The following COLEC10 variants were observed in gnomAD, a reference collection of about 807,000 sequenced individuals.
The protein encoded by COLEC10 is collectin subfamily member 10, also known as collectin-10.
In COLEC10, 22 loss-of-function variants were observed where a neutral mutation model predicts 28.4. That is an observed-to-expected ratio of 0.78 (90% confidence interval 0.55 to 1.11). The LOEUF (loss-of-function observed/expected upper bound fraction) is 1.11, where lower values mean the gene tolerates loss of function less well. COLEC10 is among the 50% of genes least tolerant of loss of function. The probability of loss-of-function intolerance (pLI) is 0.00; values close to 1 mark genes in which losing one functional copy is unlikely to be tolerated. For synonymous variants in COLEC10, 125 were observed against 116.1 expected, an observed-to-expected ratio of 1.08 and a Z score of -0.49; for missense variants, 361 against 344.1, an observed-to-expected ratio of 1.05 and a Z score of -0.39.
the COLEC10 span, among the ~76,000 whole-genome samples, chr8:118,966,679 T>C: frequency 8.9e-6 from 1 of 112,728 alleles, no homozygotes; most frequent in Non-Finnish European, 1.8e-5. Flanking sequence ...ATGTTCCATG[T>C]TTTTTTTTTT....
chr8:119,046,449 A>C (rs2130166463), intron 2 of COLEC10, among the ~76,000 whole-genome samples: 1 of 152,292 alleles, frequency 6.6e-6, no homozygotes, highest in Non-Finnish European at 1.5e-5. Flanking sequence ...TCTTGCAGTA[A>C]GACTATGATT....
At chr8:118,998,683 CAA>C (rs71569784) in intron 1 of COLEC10, among the ~76,000 whole-genome samples, 1 of 139,438 alleles carries the variant, frequency 7.2e-6, no homozygotes, top group Non-Finnish European at 1.5e-5. Flanking sequence ...CTGAAAAATA[CAA>C]AAAAAAAAAA....
intron 2 of COLEC10, among the ~76,000 whole-genome samples, chr8:119,010,382 A>C (rs1399667561): frequency 6.6e-6 from 1 of 151,036 alleles, no homozygotes; most frequent in Non-Finnish European, 1.5e-5. Flanking sequence ...TTGTTTGGAC[A>C]TACTACAATT....
At chr8:119,077,109 G>T (rs1185187522) in intron 1 of COLEC10, among the ~76,000 whole-genome samples, 4 of 152,158 alleles carry the variant, frequency 2.6e-5, no homozygotes, top group Admixed American at 2.6e-4. Flanking sequence ...CAAATACTCT[G>T]AAATAAAGCT....
At chr8:119,087,290 T>C (rs967155525) in intron 1 of COLEC10, among the ~76,000 whole-genome samples, 2 of 152,234 alleles carry the variant, frequency 1.3e-5, no homozygotes, top group Non-Finnish European at 2.9e-5. Context: ...ATGTAAGAGA[T>C]AAGTGGAAAT....
intron 1 of COLEC10, among the ~76,000 whole-genome samples, chr8:119,085,599 CTTT>C (rs66829005): frequency 6.1e-3 from 389 of 63,572 alleles, no homozygotes; most frequent in African/African-American, 0.018. Context: ...TCTTCTTCTT[CTTT>C]TTTTTTTTTT....
the COLEC10 span, among the ~76,000 whole-genome samples, chr8:118,965,064 C>T: frequency 6.6e-6 from 1 of 152,124 alleles, no homozygotes; most frequent in Non-Finnish European, 1.5e-5. Context: ...ATGGATTAAC[C>T]AGATATCTTT....
intron 2 of COLEC10, among the ~76,000 whole-genome samples, chr8:119,038,054 G>A (rs918404052): frequency 3.9e-5 from 6 of 152,148 alleles, no homozygotes; most frequent in African/African-American, 1.4e-4. Flanking sequence ...TCCTTCTCTA[G>A]GCTGTGCCTG....
At chr8:119,052,284 A>T (rs1814687812) in intron 2 of COLEC10, among the ~76,000 whole-genome samples, 1 of 152,150 alleles carries the variant, frequency 6.6e-6, no homozygotes, top group South Asian at 2.1e-4. Flanking sequence ...GGCAGTAGCC[A>T]AATTATGAAA....
intron 2 of COLEC10, among the ~76,000 whole-genome samples, chr8:119,009,849 A>T (rs11295467): frequency 0.11 from 4,241 of 37,904 alleles, 223 homozygotes; most frequent in African/African-American, 0.19. Flanking sequence ...TCTTTTTTTT[A>T]AAAAAAAATA....
intron 2 of COLEC10, among the ~76,000 whole-genome samples, chr8:119,055,362 C>T (rs1814742702): frequency 6.6e-6 from 1 of 152,066 alleles, no homozygotes; most frequent in African/African-American, 2.4e-5. Context: ...GAAAAGCGTG[C>T]TCTTTAGTAA....
intron 1 of COLEC10, among the ~76,000 whole-genome samples, chr8:119,074,265 T>A (rs370434499): frequency 6.6e-6 from 1 of 152,144 alleles, no homozygotes; most frequent in Admixed American, 6.6e-5. Flanking sequence ...AAATTAATTG[T>A]ACATTTGTAA....
At chr8:119,095,980 A>G (rs1815707918) in intron 3 of COLEC10, among the ~76,000 whole-genome samples, 1 of 152,232 alleles carries the variant, frequency 6.6e-6, no homozygotes, top group African/African-American at 2.4e-5. Context: ...AACTTGATTT[A>G]TGCAAAGTTG....
At chr8:119,027,670 G>A (rs932184080) in intron 2 of COLEC10, among the ~76,000 whole-genome samples, 1 of 152,018 alleles carries the variant, frequency 6.6e-6, no homozygotes, top group African/African-American at 2.4e-5. Context: ...CATTGCTCTG[G>A]GACCTTGACC....
At chr8:119,014,285 T>C (rs1461422995) in intron 2 of COLEC10, among the ~76,000 whole-genome samples, 2 of 150,516 alleles carry the variant, frequency 1.3e-5, no homozygotes, top group Non-Finnish European at 2.9e-5. Flanking sequence ...AATTTTTTTG[T>C]TCGTTTGAGA....
intron 2 of COLEC10, chr8:119,009,554 G>T (rs1410010595): frequency 6.6e-6 from 1 of 150,888 alleles, no homozygotes; most frequent in African/African-American, 2.5e-5. Flanking sequence ...CTCCAGAGCT[G>T]TAAGAAATAA....
intron 2 of COLEC10, among the ~76,000 whole-genome samples, chr8:119,059,884 CA>C (rs749915869): frequency 6.6e-6 from 1 of 151,788 alleles, no homozygotes; most frequent in Non-Finnish European, 1.5e-5. Context: ...TTGAACAAAT[CA>C]AAAGAAAAAA....
At chr8:119,004,237 C>T (rs1813748520) in intron 1 of COLEC10, among the ~76,000 whole-genome samples, 1 of 151,890 alleles carries the variant, frequency 6.6e-6, no homozygotes, top group Non-Finnish European at 1.5e-5. Flanking sequence ...AGCGTGGATC[C>T]CAACCATCTA....
At chr8:118,953,658 A>G in the COLEC10 span, among the ~76,000 whole-genome samples, 1 of 152,216 alleles carries the variant, frequency 6.6e-6, no homozygotes, top group African/African-American at 2.4e-5. Flanking sequence ...AAACAATTAT[A>G]TAAATGATGG....
Sources: gnomAD v4.1 joint callset for allele counts (sites outside exome capture counted in the v4.1 genomes callset) on GRCh38, gnomAD v4.1.1 for gene constraint, MANE v1.5 for transcripts, NCBI Gene and HGNC (gene_info 2026-07-23, HGNC 2026-07-21) for gene names.